Variants in NPAS3 observed in about 807,000 individuals in gnomAD.
NPAS3 encodes the protein neuronal PAS domain-containing protein 3.
A neutral mutation model predicts 73.1 loss-of-function variants in NPAS3; 14 were observed. That is an observed-to-expected ratio of 0.19 (90% CI 0.13 to 0.30). The LOEUF (loss-of-function observed/expected upper bound fraction) is 0.30. Among genes scored for constraint, NPAS3 ranks in the 10% least tolerant of loss-of-function variants. The pLI, the probability that NPAS3 is intolerant of heterozygous loss-of-function variation, is 1.00. For synonymous variants in NPAS3, 620 were observed against 541.5 expected (o/e 1.14, Z -2.01); for missense variants, 1,096 against 1,250.0 (o/e 0.88, Z 1.86).
chr14:33,313,908 T>C (rs1440706787), intron 3 of NPAS3, among the ~76,000 whole-genome samples: 1 of 152,094 alleles, frequency 6.6e-6, no homozygotes, highest in Non-Finnish European at 1.5e-5. Context: ...TCTTTTACCT[T>C]TCAAATGTTA....
chr14:33,459,668 T>A (rs2050170935), intron 4 of NPAS3, among the ~76,000 whole-genome samples: 1 of 152,204 alleles, frequency 6.6e-6, no homozygotes, highest in Admixed American at 6.5e-5. Flanking sequence ...TATACAAAAG[T>A]TGATTCTTTT....
intron 5 of NPAS3, among the ~76,000 whole-genome samples, chr14:33,587,914 C>G (rs551196751): frequency 6.6e-6 from 1 of 152,316 alleles, no homozygotes; most frequent in African/African-American, 2.4e-5. Context: ...TGTAGAAGAA[C>G]TCTGCATCTT....
chr14:32,989,515 G>A (rs1037471336), intron 1 of NPAS3, among the ~76,000 whole-genome samples: 1 of 152,062 alleles, frequency 6.6e-6, no homozygotes, highest in Non-Finnish European at 1.5e-5. Context: ...GAGGTGGCGG[G>A]CGCCTGTAGT....
At chr14:33,279,376 G>A (rs903022242) in intron 3 of NPAS3, among the ~76,000 whole-genome samples, 1 of 152,022 alleles carries the variant, frequency 6.6e-6, no homozygotes, top group African/African-American at 2.4e-5. Flanking sequence ...AGAATCCTAC[G>A]AGATAGTTGT....
intron 1 of NPAS3, among the ~76,000 whole-genome samples, chr14:32,940,608 C>A (rs962853998): frequency 6.6e-6 from 1 of 152,196 alleles, no homozygotes; most frequent in Non-Finnish European, 1.5e-5. Context: ...GCAGCAGGCG[C>A]GTTGATTTTC....
At chr14:33,069,967 A>G (rs2041427185) in intron 2 of NPAS3, among the ~76,000 whole-genome samples, 1 of 152,208 alleles carries the variant, frequency 6.6e-6, no homozygotes, top group South Asian at 2.1e-4. Context: ...GAAGGTGGAC[A>G]TGGAAGCTGG....
At chr14:33,521,718 A>G (rs1263927791) in intron 4 of NPAS3, among the ~76,000 whole-genome samples, 1 of 152,072 alleles carries the variant, frequency 6.6e-6, no homozygotes, top group African/African-American at 2.4e-5. Context: ...TGAGTTTCTT[A>G]TTGAATTGTA....
At chr14:33,516,355 C>T (rs1270195816) in intron 4 of NPAS3, among the ~76,000 whole-genome samples, 4 of 152,154 alleles carry the variant, frequency 2.6e-5, no homozygotes, top group Non-Finnish European at 4.4e-5. Context: ...AGGGAGCATT[C>T]TTTACTTGCT....
chr14:33,098,876 A>AT (rs1440576818), intron 2 of NPAS3, among the ~76,000 whole-genome samples: 3 of 152,230 alleles, frequency 2.0e-5, no homozygotes, highest in Admixed American at 6.5e-5. Context: ...GTTTTGATTC[A>AT]TTCTTTAAAT....
chr14:33,448,750 A>T (rs1430449467), intron 4 of NPAS3, among the ~76,000 whole-genome samples: 1 of 152,196 alleles, frequency 6.6e-6, no homozygotes. Context: ...CCCTGAGACA[A>T]GGATGAAACG....
At chr14:33,203,310 TTTTTA>T (rs979245758) in intron 2 of NPAS3, among the ~76,000 whole-genome samples, 8 of 152,324 alleles carry the variant, frequency 5.3e-5, no homozygotes, top group Admixed American at 3.3e-4. Context: ...ACCATGTCTT[TTTTTA>T]TTTTATTTTA....
chr14:33,456,684 T>C (rs1594942647), intron 4 of NPAS3, among the ~76,000 whole-genome samples: 1 of 152,318 alleles, frequency 6.6e-6, no homozygotes. Flanking sequence ...TCAGCTGTAA[T>C]GTGATTGGTA....
rs538399615 is a variant in NPAS3 at position 33,234,933 on chromosome 14, T to C, written c.385+19507T>C. ...TCTGACAACTTGAATAGATACGGTATTGTAGCTATGTCTGTAATGGCAAAG... is the reference window on the plus strand; with the variant it reads ...TCTGACAACTTGAATAGATACGGTACTGTAGCTATGTCTGTAATGGCAAAG... On this transcript the variant is annotated intron_variant, in intron 3 of 11. Coordinates refer to ENST00000356141, the Ensembl canonical transcript of NPAS3. Among the ~76,000 whole-genome samples the C allele has an allele frequency of 2.0e-5, 3 of 152,206 alleles. No individual in the cohort carries two copies. The East Asian group carries it at 5.8e-4, about 29-fold the overall frequency.
exon 8 of NPAS3, chr14:33,774,399 C>T: frequency 6.2e-7 from 1 of 1,614,144 alleles, no homozygotes; most frequent in Non-Finnish European, 8.5e-7. Context: ...GGACCGTCCC[C>T]AGCCAAATCA....
At chr14:33,702,213 A>G (rs2060542192) in intron 6 of NPAS3, among the ~76,000 whole-genome samples, 1 of 152,198 alleles carries the variant, frequency 6.6e-6, no homozygotes, top group Non-Finnish European at 1.5e-5. Context: ...TATTGCTCTC[A>G]CCCAGTATCA....
At chr14:33,323,231 A>G (rs1011688010) in intron 3 of NPAS3, among the ~76,000 whole-genome samples, 1 of 152,198 alleles carries the variant, frequency 6.6e-6, no homozygotes, top group African/African-American at 2.4e-5. Context: ...CTTTGTCTAC[A>G]TATTTTATTT....
intron 4 of NPAS3, among the ~76,000 whole-genome samples, chr14:33,556,657 C>T (rs777543522): frequency 7.4e-4 from 113 of 152,208 alleles, no homozygotes; most frequent in Non-Finnish European, 1.3e-3. Context: ...GCCATAAATG[C>T]TTTAATAATT....
At chr14:33,667,171 A>G (rs1567107147) in intron 5 of NPAS3, among the ~76,000 whole-genome samples, 1 of 152,200 alleles carries the variant, frequency 6.6e-6, no homozygotes, top group East Asian at 1.9e-4. Flanking sequence ...ACCTGGTGGT[A>G]ATGTATACTT....
chr14:33,259,921 A>T (rs2048911380), intron 3 of NPAS3, among the ~76,000 whole-genome samples: 1 of 151,484 alleles, frequency 6.6e-6, no homozygotes, highest in South Asian at 2.1e-4. Flanking sequence ...TGATTGACTC[A>T]CTCAGTGGGG....
Sources: allele counts gnomAD v4.1 joint callset (sites outside exome capture counted in the v4.1 genomes callset), GRCh38; gene constraint gnomAD v4.1.1; transcripts MANE v1.5; gene names NCBI Gene and HGNC (gene_info 2026-07-23, HGNC 2026-07-21).